The following FRY variants were observed in gnomAD, a reference collection of about 807,000 sequenced individuals.
The protein encoded by FRY is protein furry homolog.
A neutral mutation model predicts 348.4 loss-of-function variants in FRY; 128 were observed. The ratio of observed to expected loss-of-function variants is 0.37; its 90% confidence interval spans 0.32 to 0.43. FRY has a LOEUF of 0.43. FRY is among the 20% of genes least tolerant of loss of function. FRY has a pLI of 1.00. For synonymous variants in FRY, 1,370 were observed against 1,374.7 expected, an observed-to-expected ratio of 1.00 and a Z score of 0.08; for missense variants, 2,736 against 3,695.2, an observed-to-expected ratio of 0.74 and a Z score of 6.73.
chr13:32,047,583 G>GT (rs907140223), intron 1 of FRY, among the ~76,000 whole-genome samples: 19 of 148,250 alleles, frequency 1.3e-4, no homozygotes, highest in South Asian at 6.6e-4. Context: ...TTTTTTTTTG[G>GT]GGGGGGTGCA....
intron 1 of FRY, among the ~76,000 whole-genome samples, chr13:32,053,854 G>A (rs768005398): frequency 2.5e-4 from 38 of 152,162 alleles, no homozygotes; most frequent in Non-Finnish European, 4.4e-4. Flanking sequence ...GTAGTAAAAG[G>A]TTGTGTGGCT....
intron 7 of FRY, among the ~76,000 whole-genome samples, chr13:32,125,900 A>G (rs1284726426): frequency 6.6e-6 from 1 of 152,248 alleles, no homozygotes; most frequent in African/African-American, 2.4e-5. Context: ...ATTGAGAAAT[A>G]AAGCTCAACC....
intron 36 of FRY, among the ~76,000 whole-genome samples, chr13:32,223,734 T>C (rs1040698887): frequency 5.9e-5 from 9 of 152,180 alleles, no homozygotes; most frequent in African/African-American, 2.2e-4. Flanking sequence ...TGCAGTGACT[T>C]GTTTTTGTTT....
intron 1 of FRY, among the ~76,000 whole-genome samples, chr13:32,045,679 T>C (rs1426790122): frequency 6.6e-6 from 1 of 152,212 alleles, no homozygotes; most frequent in East Asian, 1.9e-4. Context: ...AGAAATGGAC[T>C]GAATCTTTGA....
chr13:32,173,470 T>G lies in FRY; in HGVS notation c.2255T>G (p.Phe752Cys), dbSNP rs1025787344. ...EGFALVLLCS[F>C]QVATRKLSVL... ...TTTGCTCTGGTTTTACTCTGCAGTT[T>G]CCAGGTGGCCACACGCAAACTGTCC... is the stretch of plus-strand genomic sequence containing the variant. Residue 752 changes from phenylalanine to cysteine, a missense_variant, in exon 19 of 61, where the codon TTC becomes TGC. Phe to Cys is a radical substitution (Grantham distance 205). Transcript: ENST00000542859. 4 of 1,613,476 alleles carry G rather than the reference T, an allele frequency of 2.5e-6. No homozygotes were observed. Among genetic ancestry groups the G allele is most frequent in the East Asian group, 4.5e-5 (2 of 44,876 alleles).
chr13:32,291,400 CTT>C (rs758125136), intron 59 of FRY, among the ~76,000 whole-genome samples: 7 of 142,186 alleles, frequency 4.9e-5, no homozygotes, highest in Non-Finnish European at 1.1e-4. Flanking sequence ...TTTTCTTTTT[CTT>C]TTTTTTTTTT....
chr13:32,127,820 GAAAT>G (rs1174508687), intron 7 of FRY, among the ~76,000 whole-genome samples: 19 of 151,914 alleles, frequency 1.3e-4, no homozygotes, highest in Non-Finnish European at 4.4e-5. Context: ...TTTTAAATGA[GAAAT>G]AAATAAACTT....
At chr13:32,161,446 G>A (rs975884320) in intron 17 of FRY, among the ~76,000 whole-genome samples, 195 bp downstream of exon 17, 2 of 152,106 alleles carry the variant, frequency 1.3e-5, no homozygotes, top group South Asian at 2.1e-4. Context: ...AAGCAAATAC[G>A]TAAGCACGTA....
At chr13:32,102,581 T>C (rs1018872213) in intron 3 of FRY, among the ~76,000 whole-genome samples, 1 of 152,100 alleles carries the variant, frequency 6.6e-6, no homozygotes, top group Non-Finnish European at 1.5e-5. Context: ...GAGAAAATAA[T>C]ACATGAACAA....
intron 32 of FRY, 108 bp downstream of exon 32, chr13:32,209,217 C>A (rs2138353200): frequency 8.0e-7 from 1 of 1,255,928 alleles, no homozygotes; most frequent in Non-Finnish European, 1.2e-6. Context: ...AATCACATGA[C>A]TGGGGATAAA....
intron 2 of FRY, among the ~76,000 whole-genome samples, chr13:32,085,053 T>G (rs747780094): frequency 1.3e-5 from 2 of 152,322 alleles, no homozygotes; most frequent in Non-Finnish European, 1.5e-5. Flanking sequence ...GAGGTCATCT[T>G]GCCAACTCTA....
At chr13:32,281,094 A>C (rs1198974323) in intron 58 of FRY, among the ~76,000 whole-genome samples, 1 of 151,894 alleles carries the variant, frequency 6.6e-6, no homozygotes, top group Non-Finnish European at 1.5e-5. Flanking sequence ...TTATGTTTTT[A>C]CTAAACCCAA....
intron 57 of FRY, among the ~76,000 whole-genome samples, chr13:32,278,001 C>A (rs1888618479): frequency 6.6e-6 from 1 of 152,176 alleles, no homozygotes; most frequent in Non-Finnish European, 1.5e-5. Context: ...ACCATAATAG[C>A]CTTTCTTATA....
chr13:32,295,275 C>T lies in FRY; in HGVS notation c.8857C>T (p.Arg2953Cys), dbSNP rs761675708. 1.2e-5 allele frequency: 19 copies of T among 1,613,546 alleles called. No homozygotes were observed. Among genetic ancestry groups the T allele is most frequent in the Admixed American group, 1.0e-4 (6 of 60,000 alleles). ...CCAGACACTACTGAATATTTATTTC[C>T]GTCACCAAACTCTGGGACAGACGGG... ...EVQTLLNIYFRHQTLGQTGTY... is the reference protein window; with the variant it reads ...EVQTLLNIYFCHQTLGQTGTY... Residue 2953 changes from arginine to cysteine, a missense_variant, in exon 61 of 61, where the codon CGT becomes TGT. Physicochemically the swap from Arg to Cys is radical, Grantham distance 180 (BLOSUM62 -3). This residue lies in a region of FRY where 157 missense variants were observed against 215.2 expected (regional missense o/e 0.73). Coordinates refer to ENST00000542859, the MANE Select transcript of FRY (RefSeq NM_023037.3).
chr13:32,047,316 G>C (rs1873074627), intron 1 of FRY, among the ~76,000 whole-genome samples: 1 of 152,218 alleles, frequency 6.6e-6, no homozygotes, highest in Admixed American at 6.5e-5. Flanking sequence ...AGGAACCAAA[G>C]AGTCTTGGAG....
At chr13:32,057,193 C>A (rs766750464) in intron 1 of FRY, among the ~76,000 whole-genome samples, 1 of 150,728 alleles carries the variant, frequency 6.6e-6, no homozygotes, top group African/African-American at 2.5e-5. Flanking sequence ...TTTTTTAAGA[C>A]AGACTCTCAC....
At chr13:32,230,914 G>A (rs551265027) in intron 40 of FRY, among the ~76,000 whole-genome samples, 1 of 152,276 alleles carries the variant, frequency 6.6e-6, no homozygotes, top group South Asian at 2.1e-4. Flanking sequence ...AGTCAGTGAT[G>A]TTGAGCTTTT....
chr13:32,203,452 G>A lies in FRY; in HGVS notation c.4018+925G>A, dbSNP rs768485490. Among the ~76,000 whole-genome samples the A allele has an allele frequency of 3.3e-5, 5 of 152,272 alleles. No individual in the cohort carries two copies. The East Asian group carries it at 7.7e-4, about 24-fold the overall frequency. The stretch of plus-strand genomic sequence containing the variant: ...AAGAATTGCATTTGTCAGGCCGGGC[G>A]TGGTGGCTCACACCCGTAATCCCAA... On this transcript the variant is annotated intron_variant, in intron 31 of 60. Coordinates refer to ENST00000542859, the MANE Select transcript of FRY (RefSeq NM_023037.3).
intron 1 of FRY, among the ~76,000 whole-genome samples, chr13:32,072,587 C>A (rs766213765): frequency 2.6e-4 from 39 of 152,162 alleles, no homozygotes; most frequent in Admixed American, 5.2e-4. Flanking sequence ...TACCTTTTTA[C>A]ATGCCATTTC....
Sources: gnomAD v4.1 joint callset for allele counts (sites outside exome capture counted in the v4.1 genomes callset) on GRCh38, gnomAD v4.1.1 for gene constraint, gnomAD v4.1.1 regional missense constraint, MANE v1.5 for transcripts, NCBI Gene and HGNC (gene_info 2026-07-23, HGNC 2026-07-21) for gene names.